Variants in TRMT11 observed in about 807,000 individuals in gnomAD.
The protein encoded by TRMT11 is tRNA (guanine(10)-N(2))-methyltransferase TRMT11.
Under a neutral mutation model 62.8 loss-of-function variants are expected in TRMT11, and 53 were observed. The ratio of observed to expected loss-of-function variants is 0.84; its 90% CI spans 0.68 to 1.06. The LOEUF (loss-of-function observed/expected upper bound fraction) is 1.06, where lower values mean the gene tolerates loss of function less well. Ranked by LOEUF, TRMT11 falls within the 50% of genes least tolerant of loss-of-function variation. TRMT11 has a pLI of 0.00. For missense variants in TRMT11, 556 were observed against 553.4 expected (o/e 1.00, Z -0.05); for synonymous variants, 188 against 190.3 (o/e 0.99, Z 0.10).
intron 11 of TRMT11, among the ~76,000 whole-genome samples, chr6:126,014,534 C>T (rs149674079): frequency 4.1e-4 from 62 of 152,354 alleles, no homozygotes; most frequent in Middle Eastern, 3.4e-3. Context: ...TAGGCGTGAG[C>T]CACCGTGTCC....
intron 12 of TRMT11, among the ~76,000 whole-genome samples, chr6:126,033,834 A>G (rs531848250): frequency 6.6e-6 from 1 of 152,308 alleles, no homozygotes. Flanking sequence ...TAGTGTACAC[A>G]TGAAAGTTAA....
At chr6:126,213,774 C>G in the TRMT11 span, among the ~76,000 whole-genome samples, 1 of 152,038 alleles carries the variant, frequency 6.6e-6, no homozygotes, top group Non-Finnish European at 1.5e-5. Context: ...GCTAGGACTT[C>G]CAGTACTATA....
chr6:126,086,826 T>G (rs1777222431), intron 17 of TRMT11, among the ~76,000 whole-genome samples: 1 of 152,196 alleles, frequency 6.6e-6, no homozygotes, highest in African/African-American at 2.4e-5. Context: ...GTGGTGATCT[T>G]TTCTCTTTTA....
At chr6:126,055,740 T>G (rs1387319752) in intron 17 of TRMT11, among the ~76,000 whole-genome samples, 1 of 152,212 alleles carries the variant, frequency 6.6e-6, no homozygotes, top group Non-Finnish European at 1.5e-5. Flanking sequence ...TTGTTTATGT[T>G]TCCTCCCATA....
Position 126,011,258 on chromosome 6 carries a change from G to C in TRMT11, c.766G>C (p.Ala256Pro), listed in dbSNP as rs1272846372. The C allele has an allele frequency of 1.4e-5, 22 of 1,610,108 alleles. No individual in the cohort carries two copies. The highest frequency in any genetic ancestry group is 1.7e-5 in the Non-Finnish European group (20 of 1,178,280). ...DYNTVHGLGKATRKNQKWRGP... is the reference protein window; with the variant it reads ...DYNTVHGLGKPTRKNQKWRGP... Reference sequence around the variant, plus strand: ...TCCTTTTTCTTTCCCTTCAGGAAAGGCTACTAGGAAAAACCAGAAGTGGAG... The same window carrying C: ...TCCTTTTTCTTTCCCTTCAGGAAAGCCTACTAGGAAAAACCAGAAGTGGAG... Residue 256 changes from alanine (A) to proline (P), a missense_variant, in exon 9 of 13, where the codon GCT becomes CCT. Ala to Pro is a conservative substitution (Grantham distance 27). Transcript: ENST00000334379.
At position 126,132,495 on chromosome 6, in the gene TRMT11, A is replaced by G. The variant is rs564558554; in HGVS notation, c.*1823+16640A>G. Among the ~76,000 whole-genome samples, 15 of 152,128 alleles carry G rather than the reference A, an allele frequency of 9.9e-5. No homozygotes were observed. The East Asian group carries it at 2.9e-3, about 30-fold the overall frequency. ...TATGACATGGATATCCTATCATTTC[A>G]TATTCTGGCCTAGTCCTATATCTAT... On this transcript the variant is annotated intron_variant and NMD_transcript_variant, in intron 21 of 22. Coordinates refer to the TRMT11 transcript ENST00000648977.
chr6:126,108,777 A>T (rs1777493849), intron 17 of TRMT11, among the ~76,000 whole-genome samples: 1 of 152,184 alleles, frequency 6.6e-6, no homozygotes, highest in Non-Finnish European at 1.5e-5. Context: ...CCAGCAATTG[A>T]TCTGAGGGAC....
At chr6:126,245,324 A>G in the TRMT11 span, among the ~76,000 whole-genome samples, 3 of 152,352 alleles carry the variant, frequency 2.0e-5, no homozygotes, top group South Asian at 6.2e-4. Flanking sequence ...ATACATATGC[A>G]TATGGTACAT....
At chr6:126,079,310 A>T (rs1179317680) in intron 17 of TRMT11, among the ~76,000 whole-genome samples, 1 of 152,168 alleles carries the variant, frequency 6.6e-6, no homozygotes, top group Non-Finnish European at 1.5e-5. Context: ...ATTTAACACC[A>T]TGCTCTTGTG....
chr6:126,008,950 T>TTA (rs1793779362), intron 8 of TRMT11, among the ~76,000 whole-genome samples: 1 of 151,992 alleles, frequency 6.6e-6, no homozygotes, highest in South Asian at 2.1e-4. Flanking sequence ...GGGTATCTAC[T>TTA]TTTATGATCC....
At chr6:126,055,978 A>G (rs867794329) in intron 17 of TRMT11, among the ~76,000 whole-genome samples, 1 of 152,210 alleles carries the variant, frequency 6.6e-6, no homozygotes, top group South Asian at 2.1e-4. Flanking sequence ...CCACTGTCAC[A>G]GATGGCTTAG....
chr6:126,244,262 T>C, the TRMT11 span, among the ~76,000 whole-genome samples: 429 of 152,208 alleles, frequency 2.8e-3, 5 homozygotes, highest in African/African-American at 9.8e-3. Context: ...TTTTTTATAA[T>C]ATAAGCTTAA....
At chr6:126,235,808 T>C in the TRMT11 span, among the ~76,000 whole-genome samples, 1 of 152,132 alleles carries the variant, frequency 6.6e-6, no homozygotes, top group Non-Finnish European at 1.5e-5. Context: ...ATGGCACATA[T>C]TTCCCTATGT....
the TRMT11 span, among the ~76,000 whole-genome samples, chr6:126,255,565 A>G: frequency 6.6e-6 from 1 of 152,226 alleles, no homozygotes; most frequent in Admixed American, 6.5e-5. Context: ...TTGCTTTCAT[A>G]TCATTGCCTT....
chr6:126,086,668 T>G lies in TRMT11; in HGVS notation c.*1438-26198T>G, dbSNP rs1045366469. Among the ~76,000 whole-genome samples the G allele has an allele frequency of 1.2e-4, 18 of 152,204 alleles. 1 individual carries two copies. The highest frequency in any genetic ancestry group is 3.9e-4 in the Admixed American group (6 of 15,282). ...AATTCCATGTTGTTACAGAGTTAAGTTCATGATCTTTGGCATTGCATACTA... is the reference window on the plus strand; with the variant it reads ...AATTCCATGTTGTTACAGAGTTAAGGTCATGATCTTTGGCATTGCATACTA... On this transcript the variant is annotated intron_variant and NMD_transcript_variant, in intron 17 of 22. Transcript: ENST00000648977.
the TRMT11 span, among the ~76,000 whole-genome samples, chr6:126,263,369 A>G: frequency 1.3e-5 from 2 of 152,162 alleles, no homozygotes; most frequent in African/African-American, 2.4e-5. Flanking sequence ...AATATTGGTA[A>G]TTGGCAAACA....
chr6:126,123,098 A>G (rs1777668280), intron 21 of TRMT11, among the ~76,000 whole-genome samples: 1 of 152,132 alleles, frequency 6.6e-6, no homozygotes, highest in South Asian at 2.1e-4. Flanking sequence ...CGATGATAAT[A>G]TCTGCCTTGT....
chr6:126,210,529 A>G, the TRMT11 span, among the ~76,000 whole-genome samples: 1 of 152,194 alleles, frequency 6.6e-6, no homozygotes, highest in Non-Finnish European at 1.5e-5. Flanking sequence ...GATACAATAG[A>G]TGGGTGTTGT....
At chr6:126,021,677 TAAAG>T (rs1275451876) in intron 12 of TRMT11, among the ~76,000 whole-genome samples, 6 of 152,324 alleles carry the variant, frequency 3.9e-5, no homozygotes, top group East Asian at 1.9e-4. Context: ...GCTTTATAAA[TAAAG>T]AGAGAAAGTA....
Sources: gnomAD v4.1 joint callset for allele counts (sites outside exome capture counted in the v4.1 genomes callset) on GRCh38, gnomAD v4.1.1 for gene constraint, MANE v1.5 for transcripts, NCBI Gene and HGNC (gene_info 2026-07-23, HGNC 2026-07-21) for gene names.